Variants in CDKN2A observed in about 807,000 individuals in gnomAD.
CDKN2A encodes the protein cyclin-dependent kinase inhibitor 2A.
CDKN2A carries 3 observed loss-of-function variants against 11.1 expected under a neutral mutation model. The observed-to-expected ratio is 0.27, with a 90% CI of 0.12 to 0.70. The LOEUF is 0.70. CDKN2A is among the 30% of genes least tolerant of loss of function. The pLI is 0.77. For synonymous variants in CDKN2A, 122 were observed against 108.1 expected (o/e 1.13, Z -0.80); for missense variants, 265 against 233.6 (o/e 1.13, Z -0.88).
chr9:21,994,464 G>A (rs2131149735), intron 1 of CDKN2A: 2 of 1,416,806 alleles, frequency 1.4e-6, no homozygotes, highest in South Asian at 1.3e-5. Context: ...TCTCCGCCCC[G>A]CAGGCGCGCA....
intron 1 of CDKN2A, 33 bp from the exon 2 acceptor site, chr9:21,971,241 G>A (rs1819730671): frequency 6.3e-7 from 1 of 1,586,264 alleles, no homozygotes; most frequent in Non-Finnish European, 8.5e-7. Context: ...CAGAGCCAGG[G>A]TGGGGGCCGG....
At chr9:21,986,512 A>G (rs1219734873) in intron 2 of CDKN2A, among the ~76,000 whole-genome samples, 1 of 152,054 alleles carries the variant, frequency 6.6e-6, no homozygotes, top group Non-Finnish European at 1.5e-5. Flanking sequence ...ATAGCACTCC[A>G]TGGGCAACCA....
chr9:21,986,371 C>A (rs1472453902), intron 2 of CDKN2A, among the ~76,000 whole-genome samples: 1 of 151,940 alleles, frequency 6.6e-6, no homozygotes, highest in Non-Finnish European at 1.5e-5. Flanking sequence ...TGTTAACCTC[C>A]TTTCAACCAA....
upstream of CDKN2A, among the ~76,000 whole-genome samples, chr9:21,975,547 G>A (rs1272142680): frequency 6.6e-6 from 1 of 152,104 alleles, no homozygotes. Context: ...CTTTTGGAGA[G>A]TCGGACTGCT....
intron 2 of CDKN2A, among the ~76,000 whole-genome samples, chr9:21,990,404 C>T (rs1054242007): frequency 4.6e-5 from 7 of 152,128 alleles, no homozygotes; most frequent in African/African-American, 1.7e-4. Flanking sequence ...TGTCTTTCCT[C>T]CCTCCCTACC....
chr9:21,973,603 C>A (rs1819881125), intron 1 of CDKN2A, among the ~76,000 whole-genome samples: 1 of 152,128 alleles, frequency 6.6e-6, no homozygotes, highest in South Asian at 2.1e-4. Flanking sequence ...CCTCCCCTAA[C>A]TCCCTCACAA....
chr9:21,982,259 T>C (rs1392171833), intron 2 of CDKN2A, among the ~76,000 whole-genome samples: 1 of 152,186 alleles, frequency 6.6e-6, no homozygotes, highest in African/African-American at 2.4e-5. Flanking sequence ...GGGTATAGAA[T>C]TAGCAGTACC....
chr9:21,983,213 G>T (rs1483532856), intron 2 of CDKN2A, among the ~76,000 whole-genome samples: 1 of 152,004 alleles, frequency 6.6e-6, no homozygotes, highest in Non-Finnish European at 1.5e-5. Flanking sequence ...CCTCATTTTT[G>T]AATGATTTGC....
chr9:21,974,435 A>T lies in CDKN2A; in HGVS notation c.150+243T>A, dbSNP rs2131108847. On this transcript the variant is annotated intron_variant, in intron 1 of 2. Coordinates refer to ENST00000304494, the MANE Select transcript of CDKN2A (RefSeq NM_000077.5). This position sits in a 1 kb window ranked among gnomAD's most constrained non-coding sequence, Gnocchi z 5.2. The stretch of plus-strand genomic sequence containing the variant: ...CTAATACAAATATGTTCCCCCCTTC[A>T]GATCTTCTCAGCATTCGAGAGATCT... 1 of 1,610,130 alleles carries T rather than the reference A, an allele frequency of 6.2e-7. No individual in the cohort carries two copies. Among genetic ancestry groups the T allele is most frequent in the Non-Finnish European group, 8.5e-7 (1 of 1,177,994 alleles).
chr9:21,984,027 C>T (rs1443591786), intron 2 of CDKN2A, among the ~76,000 whole-genome samples: 2 of 151,912 alleles, frequency 1.3e-5, no homozygotes, highest in Admixed American at 6.6e-5. Flanking sequence ...AATCCGGGTG[C>T]ACGGTAGGCT....
In CDKN2A at chr9:21,980,226, C is replaced by G. The variant is rs77574661; in HGVS notation, c.-3-9018G>C. Among the ~76,000 whole-genome samples the G allele has an allele frequency of 8.5e-5, 13 of 152,206 alleles. No individual in the cohort carries two copies. The South Asian group carries it at 2.7e-3, about 32-fold the overall frequency. On this transcript the variant is annotated intron_variant, in intron 2 of 3. Coordinates refer to the CDKN2A transcript ENST00000494262. ...GGGCTCTCTCTTGTTCTATTGTTTA[C>G]GCTTGAGGTGAGATAATACACACAT...
At chr9:21,983,890 C>T (rs549941697) in intron 2 of CDKN2A, among the ~76,000 whole-genome samples, 2 of 152,058 alleles carry the variant, frequency 1.3e-5, no homozygotes, top group South Asian at 4.1e-4. Context: ...TCTCATTTAC[C>T]AGCTCTGTGG....
chr9:21,990,609 G>GGGGAGAGAGAGAGA (rs1820405119), intron 2 of CDKN2A, among the ~76,000 whole-genome samples: 1 of 16,168 alleles, frequency 6.2e-5, no homozygotes, highest in Admixed American at 8.9e-4. Context: ...TAACTAATTT[G>GGGGAGAGAGAGAGA]GTGAGAGAGA....
chr9:21,978,658 T>C (rs1421866193), upstream of CDKN2A, among the ~76,000 whole-genome samples: 2 of 152,242 alleles, frequency 1.3e-5, no homozygotes, highest in African/African-American at 4.8e-5. Flanking sequence ...CCTTTGCAGT[T>C]TTGAAAATTC....
rs1819723898 is a variant in CDKN2A at position 21,971,184 on chromosome 9, C to T, written c.175G>A (p.Val59Met). The T allele has an allele frequency of 6.3e-7, 1 of 1,597,544 alleles. No individual in the cohort carries two copies. The highest frequency in any genetic ancestry group is 8.5e-7 in the Non-Finnish European group (1 of 1,178,764). ...CCGTGGAGCAGCAGCAGCTCCGCCA[C>T]TCGGGCGCTGCCCATCATCATGACC... ...IQVMMMGSARVAELLLLHGAE... is the reference protein window; with the variant it reads ...IQVMMMGSARMAELLLLHGAE... The change falls in exon 2 of 3, where the codon GTG becomes ATG. Residue 59 changes from valine (V) to methionine (M), a missense_variant. Physicochemically the swap from Val to Met is conservative, Grantham distance 21. Coordinates refer to ENST00000304494, the MANE Select transcript of CDKN2A (RefSeq NM_000077.5).
chr9:21,990,449 T>C (rs1820400492), intron 2 of CDKN2A, among the ~76,000 whole-genome samples: 1 of 152,130 alleles, frequency 6.6e-6, no homozygotes. Context: ...GTTCATCCAC[T>C]GTGTAGGACT....
At chr9:21,994,856 C>G (rs1288360269) in exon 1 of CDKN2A, 1 of 162,212 alleles carries the variant, frequency 6.2e-6, no homozygotes, top group East Asian at 1.6e-4. Flanking sequence ...TCTGGTGCTG[C>G]TCGCGTCCCC....
chr9:21,994,102 C>T (rs116512824), intron 1 of CDKN2A: 1 of 1,587,986 alleles, frequency 6.3e-7, no homozygotes, highest in Admixed American at 1.7e-5. Flanking sequence ...AAAACAAGTG[C>T]CGAATGCGCC....
chr9:21,992,361 T>C (rs1307589544), intron 2 of CDKN2A: 2 of 946,522 alleles, frequency 2.1e-6, no homozygotes, highest in African/African-American at 3.5e-5. Flanking sequence ...TGTATATCAT[T>C]TTACATATGA....
Sources: gnomAD v4.1 joint callset for allele counts (sites outside exome capture counted in the v4.1 genomes callset) on GRCh38, gnomAD v4.1.1 for gene constraint, Gnocchi (gnomAD v3.1) non-coding constraint, MANE v1.5 for transcripts, NCBI Gene and HGNC (gene_info 2026-07-23, HGNC 2026-07-21) for gene names.